SLC44A1: variants seen among roughly 807,000 people sequenced by gnomAD.
The protein encoded by SLC44A1 is choline transporter-like protein 1.
A neutral mutation model predicts 79.3 loss-of-function variants in SLC44A1; 26 were observed. The ratio of observed to expected loss-of-function variants is 0.33; its 90% confidence interval spans 0.24 to 0.46. The LOEUF is 0.46. Among genes scored for constraint, SLC44A1 ranks in the 20% least tolerant of loss-of-function variants. SLC44A1 has a pLI of 1.00. For missense variants in SLC44A1, 688 were observed against 798.1 expected, an observed-to-expected ratio of 0.86 and a Z score of 1.66; for synonymous variants, 263 against 286.2, an observed-to-expected ratio of 0.92 and a Z score of 0.82.
chr9:105,297,628 C>T (rs536865191), intron 1 of SLC44A1, among the ~76,000 whole-genome samples: 16 of 152,262 alleles, frequency 1.1e-4, no homozygotes, highest in African/African-American at 3.1e-4. Flanking sequence ...GGTGATCGCC[C>T]GCCTCGGCAA....
intron 3 of SLC44A1, among the ~76,000 whole-genome samples, chr9:105,322,982 G>A (rs1276402264): frequency 6.6e-6 from 1 of 151,522 alleles, no homozygotes; most frequent in African/African-American, 2.4e-5. Flanking sequence ...CAGCACTTTG[G>A]GAGGTCAAGG....
At chr9:105,437,213 T>G (rs927585170) in intron 15 of SLC44A1, among the ~76,000 whole-genome samples, 29 of 152,292 alleles carry the variant, frequency 1.9e-4, no homozygotes, top group African/African-American at 5.8e-4. Context: ...ACACCTCTGT[T>G]AAACATGTAT....
intron 13 of SLC44A1, among the ~76,000 whole-genome samples, chr9:105,377,620 G>A (rs573011413): frequency 3.3e-5 from 5 of 151,808 alleles, no homozygotes; most frequent in Admixed American, 6.5e-5. Flanking sequence ...AAAATTAGCC[G>A]GGCGTGGTGG....
chr9:105,428,803 G>A (rs1469124682), intron 15 of SLC44A1, among the ~76,000 whole-genome samples: 1 of 152,116 alleles, frequency 6.6e-6, no homozygotes, highest in Non-Finnish European at 1.5e-5. Flanking sequence ...GGGTTTAAGC[G>A]ATTCTCCTGC....
At chr9:105,367,825 G>A (rs535267451) in intron 12 of SLC44A1, among the ~76,000 whole-genome samples, 1 of 152,154 alleles carries the variant, frequency 6.6e-6, no homozygotes, top group East Asian at 1.9e-4. Flanking sequence ...TCATACCTTA[G>A]TATTCAAATA....
At chr9:105,420,970 A>C (rs530356707) in intron 15 of SLC44A1, among the ~76,000 whole-genome samples, 88 of 152,150 alleles carry the variant, frequency 5.8e-4, no homozygotes, top group African/African-American at 2.1e-3. Flanking sequence ...TCAGAAAGAC[A>C]CAGATATATA....
At chr9:105,358,287 T>C in intron 6 of SLC44A1, 57 bp from the exon 7 acceptor site, 1 of 1,006,606 alleles carries the variant, frequency 9.9e-7, no homozygotes, top group South Asian at 1.4e-5. Flanking sequence ...AGCGTTTTTA[T>C]TTGTATTTAC....
intron 1 of SLC44A1, among the ~76,000 whole-genome samples, chr9:105,298,864 C>T (rs749859257): frequency 1.3e-5 from 2 of 151,914 alleles, no homozygotes; most frequent in Non-Finnish European, 2.9e-5. Context: ...TGTTAGATGC[C>T]GAGAAATAAG....
intron 7 of SLC44A1, 53 bp from the exon 8 acceptor site, chr9:105,361,138 A>G: frequency 6.5e-7 from 1 of 1,548,018 alleles, no homozygotes; most frequent in African/African-American, 1.4e-5. Flanking sequence ...AATTTATGTT[A>G]CACATTTTCT....
At chr9:105,322,523 C>G (rs367654698) in intron 3 of SLC44A1, among the ~76,000 whole-genome samples, 2 of 152,260 alleles carry the variant, frequency 1.3e-5, no homozygotes, top group Admixed American at 6.5e-5. Context: ...TTGTCATTAT[C>G]TAATTAATAA....
intron 1 of SLC44A1, among the ~76,000 whole-genome samples, chr9:105,292,397 A>C (rs1289234874): frequency 1.3e-5 from 2 of 152,328 alleles, no homozygotes; most frequent in Middle Eastern, 3.4e-3. Flanking sequence ...GCCTCTTCCT[A>C]ACTGGAGCCA....
chr9:105,424,976 G>C (rs572220685), intron 15 of SLC44A1, among the ~76,000 whole-genome samples: 109 of 148,682 alleles, frequency 7.3e-4, no homozygotes, highest in African/African-American at 2.5e-3. Context: ...AAGAAAGAAA[G>C]AAAGAAAACT....
chr9:105,357,057 A>G (rs1473623880), intron 6 of SLC44A1: 1 of 152,214 alleles, frequency 6.6e-6, no homozygotes, highest in Non-Finnish European at 1.5e-5. Flanking sequence ...AAGTAAACTT[A>G]GTATTTATGC....
chr9:105,337,770 C>T (rs76216360), intron 4 of SLC44A1, among the ~76,000 whole-genome samples: 5,494 of 152,194 alleles, frequency 0.036, 339 homozygotes, highest in African/African-American at 0.12. Context: ...GAACTAGGTC[C>T]TTATTGGCGG....
chr9:105,402,361 A>T (rs1426412717), intron 15 of SLC44A1, among the ~76,000 whole-genome samples: 1 of 152,170 alleles, frequency 6.6e-6, no homozygotes, highest in Non-Finnish European at 1.5e-5. Context: ...ATGAAATTGG[A>T]GGGAAAGGGA....
chr9:105,252,883 C>T (rs1003255952), intron 1 of SLC44A1, among the ~76,000 whole-genome samples: 8 of 152,128 alleles, frequency 5.3e-5, no homozygotes, highest in Non-Finnish European at 1.0e-4. Flanking sequence ...TGAATTTATG[C>T]ATTGTGTAAA....
intron 4 of SLC44A1, among the ~76,000 whole-genome samples, chr9:105,337,421 G>A (rs1826957302): frequency 6.6e-6 from 1 of 152,066 alleles, no homozygotes; most frequent in South Asian, 2.1e-4. Context: ...AACAGTATCT[G>A]GCAAATATTA....
At chr9:105,286,417 G>C (rs2131264089) in intron 1 of SLC44A1, among the ~76,000 whole-genome samples, 1 of 152,220 alleles carries the variant, frequency 6.6e-6, no homozygotes, top group East Asian at 1.9e-4. Flanking sequence ...CATAACACTT[G>C]TTCTGAAGAA....
chr9:105,275,871 C>G (rs1830187848), intron 1 of SLC44A1, among the ~76,000 whole-genome samples: 1 of 150,776 alleles, frequency 6.6e-6, no homozygotes, highest in Non-Finnish European at 1.5e-5. Context: ...GTGGCGCGAT[C>G]TCAGCTCACT....
Sources: gnomAD v4.1 joint callset for allele counts (sites outside exome capture counted in the v4.1 genomes callset) on GRCh38, gnomAD v4.1.1 for gene constraint, MANE v1.5 for transcripts, NCBI Gene and HGNC (gene_info 2026-07-23, HGNC 2026-07-21) for gene names.